BICD2: variants seen among roughly 807,000 people sequenced by gnomAD.
The protein encoded by BICD2 is BICD cargo adaptor 2.
In BICD2, 25 loss-of-function variants were observed where a neutral mutation model predicts 72.9. The ratio of observed to expected loss-of-function variants is 0.34; its 90% CI spans 0.25 to 0.48. BICD2 has a LOEUF of 0.48. Ranked by LOEUF, BICD2 falls within the 20% of genes least tolerant of loss-of-function variation. The probability of loss-of-function intolerance (pLI) is 0.99; values close to 1 mark genes in which losing one functional copy is unlikely to be tolerated. For missense variants in BICD2, 894 were observed against 1,175.2 expected, an observed-to-expected ratio of 0.76 and a Z score of 3.50; for synonymous variants, 501 against 516.1, an observed-to-expected ratio of 0.97 and a Z score of 0.40.
intron 2 of BICD2, among the ~76,000 whole-genome samples, chr9:92,727,816 A>G (rs1034550692): frequency 6.6e-6 from 1 of 152,138 alleles, no homozygotes; most frequent in Non-Finnish European, 1.5e-5. Context: ...CCAGGCCTGC[A>G]GGACTCTCCT....
In BICD2 at chr9:92,764,710, C is replaced by A; in HGVS notation, c.35G>T (p.Arg12Leu). The change falls in exon 1 of 7, where the codon CGG (arginine) becomes CTG (leucine). Residue 12 changes from arginine (R) to leucine (L), a missense_variant. Physicochemically the swap from Arg to Leu is moderately radical, Grantham distance 102. Transcript: ENST00000356884. This position sits in a 1 kb window ranked among gnomAD's most constrained non-coding sequence, Gnocchi z 5.5. Reference sequence around the variant, plus strand: ...CTCCGGCTGCGCCTCCATCACCAGCCGCGCGTACTCCTCCTCCTCCGACGG... The same window carrying A: ...CTCCGGCTGCGCCTCCATCACCAGCAGCGCGTACTCCTCCTCCTCCGACGG... Reference protein sequence around the residue: ...SAPSEEEEYARLVMEAQPEWL... With the variant: ...SAPSEEEEYALLVMEAQPEWL... The A allele has an allele frequency of 6.3e-7, 1 of 1,586,408 alleles. No homozygotes were observed. Among genetic ancestry groups the A allele is most frequent in the Non-Finnish European group, 8.5e-7 (1 of 1,173,074 alleles).
intron 1 of BICD2, among the ~76,000 whole-genome samples, chr9:92,756,555 C>G (rs1440526654): frequency 6.7e-6 from 1 of 150,242 alleles, no homozygotes; most frequent in East Asian, 2.0e-4. Flanking sequence ...GCCACTGCGC[C>G]CGGCCCCTGG....
At chr9:92,735,281 A>T (rs896087094) in intron 1 of BICD2, among the ~76,000 whole-genome samples, 8 of 152,102 alleles carry the variant, frequency 5.3e-5, no homozygotes, top group Admixed American at 3.9e-4. Flanking sequence ...AGGACCAGAC[A>T]CCATTAGGGA....
chr9:92,734,839 G>A (rs1036199567), intron 1 of BICD2, among the ~76,000 whole-genome samples: 16 of 152,152 alleles, frequency 1.1e-4, no homozygotes, highest in African/African-American at 3.6e-4. Flanking sequence ...TCAGGATCCA[G>A]TCTGGGAAGG....
intron 1 of BICD2, among the ~76,000 whole-genome samples, chr9:92,735,638 G>C (rs1000859189): frequency 2.0e-5 from 3 of 151,670 alleles, no homozygotes; most frequent in Non-Finnish European, 4.4e-5. Context: ...GGGGAGTTGA[G>C]GGCAAGTCGG....
chr9:92,730,320 A>C (rs765514164), intron 1 of BICD2, among the ~76,000 whole-genome samples: 10 of 152,238 alleles, frequency 6.6e-5, no homozygotes, highest in Non-Finnish European at 1.2e-4. Context: ...AAAAGAGAAA[A>C]AGGAGCATTT....
intron 1 of BICD2, among the ~76,000 whole-genome samples, chr9:92,739,134 G>A (rs1401950242): frequency 6.6e-6 from 1 of 152,226 alleles, no homozygotes; most frequent in Non-Finnish European, 1.5e-5. Context: ...CAAGCAGGGG[G>A]AAGGTCTGAT....
intron 3 of BICD2, among the ~76,000 whole-genome samples, chr9:92,721,852 G>C (rs1200879380): frequency 1.3e-5 from 2 of 152,240 alleles, no homozygotes; most frequent in Non-Finnish European, 2.9e-5. Context: ...GGCTAAGACT[G>C]TTAATGAGCT....
intron 1 of BICD2, among the ~76,000 whole-genome samples, chr9:92,745,422 C>T (rs937399764): frequency 6.6e-6 from 1 of 151,946 alleles, no homozygotes; most frequent in Non-Finnish European, 1.5e-5. Context: ...AGGGGATCCA[C>T]CTAACTAAGG....
At chr9:92,725,567 A>T (rs933665262) in intron 2 of BICD2, among the ~76,000 whole-genome samples, 1 of 152,234 alleles carries the variant, frequency 6.6e-6, no homozygotes, top group Non-Finnish European at 1.5e-5. Flanking sequence ...AGCCCAAAGA[A>T]GTACAGGGGA....
Position 92,713,675 on chromosome 9 carries a change from G to C in BICD2, c.*1479C>G, listed in dbSNP as rs978461175. 2 of 1,426,592 alleles carry C rather than the reference G, an allele frequency of 1.4e-6. No homozygotes were observed. Among genetic ancestry groups the C allele is most frequent in the Non-Finnish European group, 1.8e-6 (2 of 1,086,444 alleles). 88.4% of individuals were successfully genotyped at this position (1,426,592 alleles called of 1,614,324 possible). A position where few individuals can be genotyped will look rare whatever the true frequency, so the allele number is the denominator to read the frequency against. On this transcript the variant is annotated 3_prime_UTR_variant, in exon 7 of 7. Coordinates refer to ENST00000356884, the MANE Select transcript of BICD2 (RefSeq NM_001003800.2). The stretch of plus-strand genomic sequence containing the variant: ...GCTATGTGCCAGGCTTGCAAGGAGA[G>C]GGCAAAGCGCATGCAGGGTGGGCAT...
rs1395379259 is a variant in BICD2, at chr9:92,712,532, A to C, written c.*2622T>G. The C allele has an allele frequency of 2.0e-5, 3 of 152,622 alleles. No homozygotes were observed. Among genetic ancestry groups the C allele is most frequent in the African/African-American group, 7.2e-5 (3 of 41,460 alleles). The allele number at this position is 152,622 out of a possible 1,614,324, so 9.5% of individuals were successfully genotyped here. On this transcript the variant is annotated 3_prime_UTR_variant, in exon 7 of 7. Coordinates refer to ENST00000356884, the MANE Select transcript of BICD2 (RefSeq NM_001003800.2). The stretch of plus-strand genomic sequence containing the variant: ...TTCTAAGTGTACCACAATTTGGCAC[A>C]ACAACCAGAGTAACAAAACAATTCC...
At chr9:92,739,009 A>G (rs1393635731) in intron 1 of BICD2, among the ~76,000 whole-genome samples, 6 of 137,224 alleles carry the variant, frequency 4.4e-5, no homozygotes, top group African/African-American at 7.5e-5. Flanking sequence ...CCTCCTGGGA[A>G]CGGCGGGCCT....
chr9:92,744,713 C>T (rs772032258), intron 1 of BICD2, among the ~76,000 whole-genome samples: 6 of 152,088 alleles, frequency 3.9e-5, no homozygotes, highest in Admixed American at 6.5e-5. Flanking sequence ...TGGTGGCACG[C>T]GCCTGTAGAC....
At chr9:92,733,448 G>C (rs1037152532) in intron 1 of BICD2, among the ~76,000 whole-genome samples, 8 of 151,762 alleles carry the variant, frequency 5.3e-5, no homozygotes, top group African/African-American at 1.9e-4. Flanking sequence ...TGAGGCAGGA[G>C]AATGGTTTGA....
At chr9:92,740,659 T>C (rs1853881617) in intron 1 of BICD2, among the ~76,000 whole-genome samples, 1 of 151,898 alleles carries the variant, frequency 6.6e-6, no homozygotes, top group South Asian at 2.1e-4. Context: ...GGGGAAGTGA[T>C]ATAACAAAAA....
intron 2 of BICD2, among the ~76,000 whole-genome samples, chr9:92,723,219 C>T (rs1853499777): frequency 6.6e-6 from 1 of 152,198 alleles, no homozygotes; most frequent in Non-Finnish European, 1.5e-5. Context: ...AGAGGGTCTA[C>T]CCCAGAGAAA....
At chr9:92,757,312 CAAAAAAAAAAAAAA>C (rs1169381290) in intron 1 of BICD2, among the ~76,000 whole-genome samples, 14 of 52,738 alleles carry the variant, frequency 2.7e-4, no homozygotes, top group African/African-American at 1.3e-3. Context: ...AGACTGTCTC[CAAAAAAAAAAAAAA>C]AAAAAAAAAA....
chr9:92,721,690 C>A (rs1382763710), intron 3 of BICD2, among the ~76,000 whole-genome samples: 5 of 152,146 alleles, frequency 3.3e-5, no homozygotes, highest in African/African-American at 1.2e-4. Context: ...GGTGAGGAAT[C>A]CCAGAGAGGG....
Sources: allele counts gnomAD v4.1 joint callset (sites outside exome capture counted in the v4.1 genomes callset), GRCh38; gene constraint gnomAD v4.1.1; non-coding constraint Gnocchi (gnomAD v3.1); transcripts MANE v1.5; gene names NCBI Gene and HGNC (gene_info 2026-07-23, HGNC 2026-07-21).